IQCM: variants seen among roughly 807,000 people sequenced by gnomAD.
IQCM encodes IQ domain-containing protein M.
In IQCM, 45 loss-of-function variants were observed where a neutral mutation model predicts 57.6. That is an observed-to-expected ratio of 0.78 (90% CI 0.62 to 1.00). The LOEUF is 1.00. Among genes scored for constraint, IQCM ranks in the 50% least tolerant of loss-of-function variants. IQCM has a pLI of 0.00. For missense variants in IQCM, 468 were observed against 511.6 expected, an observed-to-expected ratio of 0.91 and a Z score of 0.82; for synonymous variants, 148 against 158.9, an observed-to-expected ratio of 0.93 and a Z score of 0.51.
intron 2 of IQCM, among the ~76,000 whole-genome samples, chr4:149,749,423 A>G (rs1339424609): frequency 6.6e-6 from 1 of 152,232 alleles, no homozygotes; most frequent in Non-Finnish European, 1.5e-5. Flanking sequence ...TTTTGAAAGA[A>G]GCCAGCATAA....
At chr4:149,626,795 G>T (rs1756853812) in intron 7 of IQCM, among the ~76,000 whole-genome samples, 1 of 152,068 alleles carries the variant, frequency 6.6e-6, no homozygotes, top group Non-Finnish European at 1.5e-5. Flanking sequence ...TTACCAATTT[G>T]CAATTGAGGA....
At chr4:149,630,276 G>C (rs1757150840) in intron 7 of IQCM, among the ~76,000 whole-genome samples, 1 of 152,214 alleles carries the variant, frequency 6.6e-6, no homozygotes, top group South Asian at 2.1e-4. Context: ...GCAATGGACT[G>C]CAAACTCCAG....
intron 8 of IQCM, among the ~76,000 whole-genome samples, chr4:149,594,016 C>A (rs1002500484): frequency 5.9e-5 from 9 of 151,984 alleles, no homozygotes; most frequent in African/African-American, 1.5e-4. Flanking sequence ...TGATTGGAAT[C>A]GTTTCAGAAG....
intron 3 of IQCM, among the ~76,000 whole-genome samples, chr4:149,739,283 T>G (rs1767225643): frequency 6.6e-6 from 1 of 152,104 alleles, no homozygotes; most frequent in Non-Finnish European, 1.5e-5. Flanking sequence ...TTTTTCTTAT[T>G]TGTAAACAGA....
intron 13 of IQCM, among the ~76,000 whole-genome samples, chr4:149,385,498 A>G (rs1017732604): frequency 2.6e-5 from 4 of 152,070 alleles, no homozygotes; most frequent in Non-Finnish European, 4.4e-5. Flanking sequence ...CCACTTTTGT[A>G]TTGGTGGATC....
chr4:149,771,747 A>G (rs1415497459), intron 2 of IQCM, among the ~76,000 whole-genome samples: 3 of 152,122 alleles, frequency 2.0e-5, no homozygotes, highest in African/African-American at 4.8e-5. Flanking sequence ...ATTCATAAAC[A>G]GATTCTGATG....
chr4:149,602,328 G>A (rs6856129), intron 8 of IQCM, among the ~76,000 whole-genome samples: 10,732 of 152,086 alleles, frequency 0.071, 511 homozygotes, highest in Middle Eastern at 0.15. Context: ...TTGGATACTG[G>A]AACCAATCCC....
intron 5 of IQCM, chr4:149,710,899 G>A (rs1764511137): frequency 6.6e-6 from 1 of 152,016 alleles, no homozygotes; most frequent in Admixed American, 6.6e-5. Context: ...AGAAATCAGA[G>A]CTGAATCACT....
At chr4:149,667,479 G>A (rs552114777) in intron 7 of IQCM, among the ~76,000 whole-genome samples, 11 of 152,164 alleles carry the variant, frequency 7.2e-5, no homozygotes, top group African/African-American at 2.2e-4. Flanking sequence ...GAGAAAACCA[G>A]CACAAAAAGT....
intron 13 of IQCM, chr4:149,430,097 G>A: frequency 3.2e-6 from 3 of 927,094 alleles, no homozygotes; most frequent in Non-Finnish European, 4.2e-6. Flanking sequence ...TTCAACTTAA[G>A]TTATTCTTTC....
intron 7 of IQCM, among the ~76,000 whole-genome samples, chr4:149,662,279 T>C (rs1035012626): frequency 6.6e-6 from 1 of 152,098 alleles, no homozygotes. Flanking sequence ...TTTCTAGCTT[T>C]CTACCACTGT....
chr4:149,516,414 G>A (rs926538379), intron 12 of IQCM, among the ~76,000 whole-genome samples: 4 of 152,182 alleles, frequency 2.6e-5, no homozygotes, highest in African/African-American at 9.7e-5. Flanking sequence ...TACAGCTAAA[G>A]AAGTGTGGCA....
At chr4:149,514,496 G>A (rs527822312) in intron 12 of IQCM, 1 of 152,274 alleles carries the variant, frequency 6.6e-6, no homozygotes, top group South Asian at 2.1e-4. Flanking sequence ...ATGACTATCA[G>A]AGGCATAGGA....
intron 9 of IQCM, among the ~76,000 whole-genome samples, chr4:149,573,840 T>C (rs1751391868): frequency 6.6e-6 from 1 of 151,904 alleles, no homozygotes; most frequent in South Asian, 2.1e-4. Context: ...TTATAAATGA[T>C]AAATTTATAA....
At chr4:149,389,163 G>C (rs1236397925) in intron 13 of IQCM, among the ~76,000 whole-genome samples, 2 of 151,936 alleles carry the variant, frequency 1.3e-5, no homozygotes, top group East Asian at 3.9e-4. Context: ...CAATTTTTGT[G>C]TATGTAATTT....
intron 12 of IQCM, among the ~76,000 whole-genome samples, chr4:149,447,212 A>T (rs1224671206): frequency 6.6e-6 from 1 of 151,644 alleles, no homozygotes; most frequent in Non-Finnish European, 1.5e-5. Flanking sequence ...AGAAATTGAA[A>T]GCACAAGCAT....
chr4:149,667,193 TG>T (rs1359626124), intron 7 of IQCM, among the ~76,000 whole-genome samples: 1 of 152,136 alleles, frequency 6.6e-6, no homozygotes, highest in Non-Finnish European at 1.5e-5. Flanking sequence ...GACTGGCATC[TG>T]GCATGTGCCC....
At chr4:149,438,803 A>T (rs766874090) in intron 12 of IQCM, among the ~76,000 whole-genome samples, 3 of 152,058 alleles carry the variant, frequency 2.0e-5, no homozygotes, top group Non-Finnish European at 4.4e-5. Context: ...AAGATTCAAA[A>T]CCAAGGGACA....
At chr4:149,609,225 A>G (rs1408185108) in intron 8 of IQCM, among the ~76,000 whole-genome samples, 1 of 151,836 alleles carries the variant, frequency 6.6e-6, no homozygotes, top group Non-Finnish European at 1.5e-5. Flanking sequence ...CACAACTAGT[A>G]TTGAGATAGA....
Sources: gnomAD v4.1 joint callset for allele counts (sites outside exome capture counted in the v4.1 genomes callset) on GRCh38, gnomAD v4.1.1 for gene constraint, MANE v1.5 for transcripts, NCBI Gene and HGNC (gene_info 2026-07-23, HGNC 2026-07-21) for gene names.